SFMBT2: variants seen among roughly 807,000 people sequenced by gnomAD.
The protein encoded by SFMBT2 is Scm like with four mbt domains 2.
SFMBT2 carries 38 observed loss-of-function variants against 110.1 expected under a neutral mutation model. The ratio of observed to expected loss-of-function variants is 0.35; its 90% confidence interval spans 0.27 to 0.45. SFMBT2 has a LOEUF of 0.45. Among genes scored for constraint, SFMBT2 ranks in the 20% least tolerant of loss-of-function variants. SFMBT2 has a pLI of 1.00. For missense variants in SFMBT2, 1,011 were observed against 1,094.9 expected, an observed-to-expected ratio of 0.92 and a Z score of 1.08; for synonymous variants, 425 against 425.4, an observed-to-expected ratio of 1.00 and a Z score of 0.01.
chr10:7,176,854 C>T (rs1301913125), intron 16 of SFMBT2, among the ~76,000 whole-genome samples: 2 of 152,000 alleles, frequency 1.3e-5, no homozygotes, highest in Non-Finnish European at 2.9e-5. Context: ...ACACTGGCAG[C>T]AAGTGGCTTC....
At chr10:7,199,921 T>C (rs1053935816) in intron 14 of SFMBT2, among the ~76,000 whole-genome samples, 2 of 152,208 alleles carry the variant, frequency 1.3e-5, no homozygotes, top group East Asian at 1.9e-4. Context: ...CCAAAGATTA[T>C]TGTAAGATGT....
intron 4 of SFMBT2, among the ~76,000 whole-genome samples, chr10:7,356,872 GCTGAGCAGCAGGC>G (rs1844532778): frequency 1.3e-5 from 2 of 152,188 alleles, no homozygotes. Context: ...TGGTGGCCCT[GCTGAGCAGCAGGC>G]AGTGAGCCTA....
At chr10:7,324,714 T>C (rs1473997545) in intron 4 of SFMBT2, among the ~76,000 whole-genome samples, 1 of 152,212 alleles carries the variant, frequency 6.6e-6, no homozygotes, top group African/African-American at 2.4e-5. Context: ...TTCTGGAGGC[T>C]GGGAAGCCCC....
intron 4 of SFMBT2, among the ~76,000 whole-genome samples, chr10:7,332,739 T>C (rs905403217): frequency 6.6e-6 from 1 of 152,040 alleles, no homozygotes; most frequent in Non-Finnish European, 1.5e-5. Flanking sequence ...AACACACAAA[T>C]AGAGAACCAG....
chr10:7,400,224 G>A (rs1017292338), intron 1 of SFMBT2, among the ~76,000 whole-genome samples: 3 of 152,206 alleles, frequency 2.0e-5, no homozygotes, highest in African/African-American at 4.8e-5. Flanking sequence ...AGTTCACAGC[G>A]GTAGAGGGAG....
chr10:7,257,123 G>GAAAGAAAAGA (rs1554794289), intron 7 of SFMBT2, among the ~76,000 whole-genome samples: 1 of 129,232 alleles, frequency 7.7e-6, no homozygotes, highest in South Asian at 2.6e-4. Flanking sequence ...GAGGGGAGGG[G>GAAAGAAAAGA]AAAGAAAAGA....
At chr10:7,199,220 C>T (rs1838873796) in intron 14 of SFMBT2, among the ~76,000 whole-genome samples, 1 of 152,170 alleles carries the variant, frequency 6.6e-6, no homozygotes, top group South Asian at 2.1e-4. Flanking sequence ...CTCAAGCAAT[C>T]TGCCTGCTTC....
intron 4 of SFMBT2, among the ~76,000 whole-genome samples, chr10:7,341,408 G>A (rs1021678566): frequency 1.3e-5 from 2 of 152,150 alleles, no homozygotes; most frequent in African/African-American, 2.4e-5. Context: ...CAAATTTTCC[G>A]TTCCCAAGAC....
chr10:7,396,546 A>G (rs1442779297), intron 1 of SFMBT2, among the ~76,000 whole-genome samples: 1 of 152,164 alleles, frequency 6.6e-6, no homozygotes, highest in Non-Finnish European at 1.5e-5. Context: ...ATTCAAAGCA[A>G]TAAAGATAAG....
chr10:7,194,446 C>T (rs750158636), intron 15 of SFMBT2, among the ~76,000 whole-genome samples: 1 of 152,224 alleles, frequency 6.6e-6, no homozygotes, highest in Non-Finnish European at 1.5e-5. Flanking sequence ...TCTGCATCCA[C>T]ACCCCGAGAC....
rs114073822 is a variant in SFMBT2, at chr10:7,213,432, C to T, written c.1330+6979G>A. 7.0e-3 allele frequency among the ~76,000 whole-genome samples: 1,058 copies of T among 151,454 alleles called. 15 individuals carry two copies. The highest frequency in any genetic ancestry group is 0.023 in the African/African-American group (937 of 41,196). ...AATGTGGGGGCCAGAAGAGGACAGG[C>T]GGAGGTCCGGACTGAAGTGACTCAT... On this transcript the variant is annotated intron_variant, in intron 11 of 20. Coordinates refer to ENST00000397167, the MANE Select transcript of SFMBT2 (RefSeq NM_001387889.1).
intron 20 of SFMBT2, among the ~76,000 whole-genome samples, chr10:7,168,104 G>A (rs535587923): frequency 3.3e-5 from 5 of 152,228 alleles, no homozygotes; most frequent in Admixed American, 2.6e-4. Context: ...CTACAAGGGG[G>A]ACAGTGTCGG....
chr10:7,298,740 T>G (rs554274549), intron 4 of SFMBT2, among the ~76,000 whole-genome samples: 47 of 152,238 alleles, frequency 3.1e-4, no homozygotes, highest in South Asian at 1.5e-3. Context: ...TGTATGTATG[T>G]GTATATGTGT....
intron 10 of SFMBT2, among the ~76,000 whole-genome samples, chr10:7,222,835 A>G (rs946329125): frequency 2.0e-5 from 3 of 151,966 alleles, no homozygotes; most frequent in Non-Finnish European, 4.4e-5. Context: ...ATGCCCAGCT[A>G]ATTTTTTTAT....
chr10:7,203,813 T>A (rs534186785), intron 12 of SFMBT2: 1 of 234,748 alleles, frequency 4.3e-6, no homozygotes, highest in South Asian at 1.6e-4. Context: ...CCTCCCGGAT[T>A]CAAGCGATTT....
rs1371145673 is a variant in SFMBT2, at chr10:7,159,885, GA to G, written c.*3884del. ...AGAAAGGGGTGTTTGGCATAAGACA[GA>G]AGGCAAATCTCAGAACTTGCCAAAT... On this transcript the variant is annotated 3_prime_UTR_variant, in exon 21 of 21. Transcript: ENST00000397167. 1 of 152,184 alleles carries G rather than the reference GA, an allele frequency of 6.6e-6. No homozygotes were observed. Among genetic ancestry groups the G allele is most frequent in the Non-Finnish European group, 1.5e-5 (1 of 68,020 alleles). The allele number at this position is 152,184 out of a possible 1,614,324, so 9.4% of individuals were successfully genotyped here. A position where few individuals can be genotyped will look rare whatever the true frequency, so the allele number is the denominator to read the frequency against.
At chr10:7,364,461 G>C (rs1053230269) in intron 4 of SFMBT2, among the ~76,000 whole-genome samples, 2 of 152,196 alleles carry the variant, frequency 1.3e-5, no homozygotes, top group Non-Finnish European at 2.9e-5. Context: ...TGTCTTCTGA[G>C]GGAGAAGGAA....
intron 20 of SFMBT2, chr10:7,164,241 G>C: frequency 4.5e-6 from 3 of 673,008 alleles, no homozygotes; most frequent in Non-Finnish European, 5.5e-6. Context: ...TTAAAAATTA[G>C]CTGGGCATGG....
In SFMBT2 at chr10:7,301,352, C is replaced by T. The variant is rs2131881651; in HGVS notation, c.437-15398G>A. On this transcript the variant is annotated intron_variant, in intron 4 of 20. Coordinates refer to ENST00000397167, the MANE Select transcript of SFMBT2 (RefSeq NM_001387889.1). This position sits in a 1 kb window ranked among gnomAD's most constrained non-coding sequence, Gnocchi z 4.2. The stretch of plus-strand genomic sequence containing the variant: ...GATCGTTTTGAAAGGAGAGATGCCA[C>T]AGAAACGCTGATGGGTCAAGCAGCT... 6.6e-6 allele frequency among the ~76,000 whole-genome samples: 1 copy of T among 152,318 alleles called. No individual in the cohort carries two copies. Among genetic ancestry groups the T allele is most frequent in the African/African-American group, 2.4e-5 (1 of 41,566 alleles).
Sources: gnomAD v4.1 joint callset for allele counts (sites outside exome capture counted in the v4.1 genomes callset) on GRCh38, gnomAD v4.1.1 for gene constraint, Gnocchi (gnomAD v3.1) non-coding constraint, MANE v1.5 for transcripts, NCBI Gene and HGNC (gene_info 2026-07-23, HGNC 2026-07-21) for gene names.